The following CSTPP1 variants were observed in gnomAD, a reference collection of about 807,000 sequenced individuals.
The protein encoded by CSTPP1 is UPF0705 protein C11orf49.
chr11:47,102,635 GA>G, the CSTPP1 span, among the ~76,000 whole-genome samples: 80 of 152,260 alleles, frequency 5.3e-4, no homozygotes, highest in African/African-American at 1.9e-3. Context: ...AAAAGACTGA[GA>G]AACTTTTCTC....
At chr11:47,097,211 A>C in the CSTPP1 span, among the ~76,000 whole-genome samples, 21 of 84,180 alleles carry the variant, frequency 2.5e-4, no homozygotes, top group African/African-American at 8.9e-4. Flanking sequence ...GCCTCTGCCC[A>C]GCCGCCCCTA....
chr11:47,072,618 C>T, the CSTPP1 span, among the ~76,000 whole-genome samples: 1 of 152,014 alleles, frequency 6.6e-6, no homozygotes. Flanking sequence ...AAGTGTTTAC[C>T]AGATGACCAA....
the CSTPP1 span, among the ~76,000 whole-genome samples, chr11:46,952,672 T>C: frequency 6.6e-6 from 1 of 152,206 alleles, no homozygotes; most frequent in African/African-American, 2.4e-5. Context: ...GTTGCTCCCT[T>C]TTTACAATGG....
the CSTPP1 span, among the ~76,000 whole-genome samples, chr11:47,013,872 A>C: frequency 3.3e-5 from 5 of 152,200 alleles, no homozygotes; most frequent in Admixed American, 1.3e-4. Flanking sequence ...AAAAGTGTTC[A>C]TATTTCTTCA....
At chr11:46,996,305 A>T in the CSTPP1 span, among the ~76,000 whole-genome samples, 3 of 112,606 alleles carry the variant, frequency 2.7e-5, no homozygotes, top group African/African-American at 8.6e-5. Flanking sequence ...TTTTTATTTT[A>T]TTTTATTTTT....
At chr11:47,051,094 CAG>C in the CSTPP1 span, among the ~76,000 whole-genome samples, 1 of 152,174 alleles carries the variant, frequency 6.6e-6, no homozygotes, top group Non-Finnish European at 1.5e-5. Flanking sequence ...CTGTTCCATT[CAG>C]AGTCAGATTT....
the CSTPP1 span, among the ~76,000 whole-genome samples, chr11:47,106,418 G>A: frequency 4.6e-5 from 7 of 152,134 alleles, no homozygotes; most frequent in African/African-American, 1.2e-4. Context: ...CAAGACAGGC[G>A]GATCACTTGA....
the CSTPP1 span, among the ~76,000 whole-genome samples, chr11:46,961,561 G>C: frequency 6.6e-6 from 1 of 152,096 alleles, no homozygotes; most frequent in African/African-American, 2.4e-5. Flanking sequence ...GTCCTTTGGA[G>C]TACAGTTTTT....
chr11:47,057,082 A>C, the CSTPP1 span, among the ~76,000 whole-genome samples: 10 of 152,224 alleles, frequency 6.6e-5, 1 homozygote, highest in South Asian at 4.1e-4. Flanking sequence ...TGCATGACTG[A>C]GTACTGATGC....
the CSTPP1 span, among the ~76,000 whole-genome samples, chr11:46,976,812 G>T: frequency 6.6e-6 from 1 of 152,142 alleles, no homozygotes; most frequent in Non-Finnish European, 1.5e-5. Context: ...AGTTGGCCCT[G>T]TGGAACCCGA....
At chr11:47,109,113 G>A in the CSTPP1 span, 1 of 152,146 alleles carries the variant, frequency 6.6e-6, no homozygotes, top group Admixed American at 6.6e-5. Flanking sequence ...TCTGGCTGCA[G>A]ACTTTGGCTT....
At chr11:47,042,470 T>TGAGA in the CSTPP1 span, among the ~76,000 whole-genome samples, 1 of 149,738 alleles carries the variant, frequency 6.7e-6, no homozygotes, top group East Asian at 1.9e-4. Flanking sequence ...TGTGTGTGTG[T>TGAGA]GAGAGAGAGA....
At chr11:47,096,542 A>C in the CSTPP1 span, among the ~76,000 whole-genome samples, 1 of 152,246 alleles carries the variant, frequency 6.6e-6, no homozygotes, top group Non-Finnish European at 1.5e-5. Context: ...TGACAAGTCA[A>C]GGTCACATTC....
chr11:47,159,452 G>T, the CSTPP1 span, among the ~76,000 whole-genome samples: 1 of 152,136 alleles, frequency 6.6e-6, no homozygotes, highest in Non-Finnish European at 1.5e-5. Flanking sequence ...GGAGGTTGCG[G>T]TGAGCCGAGA....
At chr11:47,020,231 C>A in the CSTPP1 span, among the ~76,000 whole-genome samples, 1 of 152,042 alleles carries the variant, frequency 6.6e-6, no homozygotes, top group Non-Finnish European at 1.5e-5. Flanking sequence ...ATGATGGCTG[C>A]ATTTGAAATG....
At chr11:46,979,687 C>T in the CSTPP1 span, among the ~76,000 whole-genome samples, 30 of 151,180 alleles carry the variant, frequency 2.0e-4, no homozygotes, top group African/African-American at 4.6e-4. Context: ...CCAAGGCAGG[C>T]GGATCACCTG....
At chr11:47,011,295 T>C in the CSTPP1 span, among the ~76,000 whole-genome samples, 1 of 152,226 alleles carries the variant, frequency 6.6e-6, no homozygotes, top group South Asian at 2.1e-4. Flanking sequence ...CCTAGAAGTC[T>C]CTGACACTTA....
chr11:47,163,950 A>T, the CSTPP1 span: 1 of 983,160 alleles, frequency 1.0e-6, no homozygotes, highest in Non-Finnish European at 1.5e-6. Context: ...CCGGCGTTAA[A>T]TATTTCTTAA....
chr11:46,975,417 G>A, the CSTPP1 span, among the ~76,000 whole-genome samples: 4 of 152,104 alleles, frequency 2.6e-5, no homozygotes, highest in East Asian at 7.7e-4. Flanking sequence ...TGAAAACAAA[G>A]TACTTCATTT....
Sources: allele counts gnomAD v4.1 joint callset (sites outside exome capture counted in the v4.1 genomes callset), GRCh38; gene constraint gnomAD v4.1.1; transcripts MANE v1.5; gene names NCBI Gene and HGNC (gene_info 2026-07-23, HGNC 2026-07-21).